The following NOL4 variants were observed in gnomAD, a reference collection of about 807,000 sequenced individuals.
NOL4 encodes cancer/testis antigen 125.
In NOL4, 17 loss-of-function variants were observed where a neutral mutation model predicts 75.9. The ratio of observed to expected loss-of-function variants is 0.22; its 90% CI spans 0.15 to 0.34. The LOEUF is 0.34. Among genes scored for constraint, NOL4 ranks in the 10% least tolerant of loss-of-function variants. The pLI is 1.00. For missense variants in NOL4, 614 were observed against 793.5 expected, an observed-to-expected ratio of 0.77 and a Z score of 2.72; for synonymous variants, 292 against 289.9, an observed-to-expected ratio of 1.01 and a Z score of -0.07.
chr18:34,016,676 T>A (rs1477229274), intron 6 of NOL4, among the ~76,000 whole-genome samples: 1 of 152,082 alleles, frequency 6.6e-6, no homozygotes, highest in African/African-American at 2.4e-5. Flanking sequence ...TCCTGAAGAA[T>A]CATTACAGTC....
intron 6 of NOL4, among the ~76,000 whole-genome samples, chr18:33,967,468 T>C (rs1046624625): frequency 2.0e-5 from 3 of 152,084 alleles, no homozygotes; most frequent in South Asian, 2.1e-4. Context: ...AATTGACAAG[T>C]GGGACCCAAA....
At chr18:34,138,370 T>C (rs1311824067) in intron 1 of NOL4, among the ~76,000 whole-genome samples, 1 of 152,054 alleles carries the variant, frequency 6.6e-6, no homozygotes, top group Non-Finnish European at 1.5e-5. Flanking sequence ...TCCCTGCATT[T>C]CAGCCTTAGC....
rs868350853 is a variant in NOL4 at position 33,891,557 on chromosome 18, T to C, written c.1543-8133A>G. On this transcript the variant is annotated intron_variant, in intron 9 of 10. Coordinates refer to ENST00000261592, the MANE Select transcript of NOL4 (RefSeq NM_003787.5). ...CCAACATTCCTGTAGCAGAAATAAC[T>C]TGGGCAACATAAAACTTGAGTTTCT... Among the ~76,000 whole-genome samples the C allele has an allele frequency of 1.1e-4, 16 of 152,252 alleles. 1 individual carries two copies. In the Middle Eastern group the frequency reaches 0.01, roughly 97 times the overall value.
At chr18:34,073,557 A>T (rs1482773671) in intron 5 of NOL4, among the ~76,000 whole-genome samples, 1 of 152,054 alleles carries the variant, frequency 6.6e-6, no homozygotes, top group Non-Finnish European at 1.5e-5. Context: ...ATAATGACAC[A>T]GAAAATGAGT....
chr18:34,224,128 CA>C lies in NOL4; in HGVS notation c.-876del, dbSNP rs1314857600. 6.6e-6 allele frequency: 1 copy of C among 152,262 alleles called. No homozygotes were observed. Among genetic ancestry groups the C allele is most frequent in the Non-Finnish European group, 1.5e-5 (1 of 68,090 alleles). 9.4% of individuals were successfully genotyped at this position (152,262 alleles called of 1,614,324 possible). A position where few individuals can be genotyped will look rare whatever the true frequency, so the allele number is the denominator to read the frequency against. On this transcript the variant is annotated 5_prime_UTR_variant, in exon 1 of 11. An upstream open reading frame in the 5' UTR loses its in-frame stop. Coordinates refer to ENST00000261592, the MANE Select transcript of NOL4 (RefSeq NM_003787.5). ...TAGTGCCCCAAACAGATATCCGTTC[CA>C]GGGGGATGTGGGTAACCGAAGGCAG...
At chr18:34,157,060 C>CTT (rs1288070206) in intron 1 of NOL4, 3 of 152,160 alleles carry the variant, frequency 2.0e-5, no homozygotes, top group African/African-American at 7.2e-5. Flanking sequence ...CAGCAACTTA[C>CTT]ATGTTTGGCT....
intron 1 of NOL4, among the ~76,000 whole-genome samples, chr18:34,169,306 G>A (rs964402271): frequency 1.3e-5 from 2 of 151,756 alleles, no homozygotes; most frequent in Non-Finnish European, 2.9e-5. Flanking sequence ...AGTATTCTAA[G>A]CTCCTTACAT....
chr18:34,123,242 A>G lies in NOL4; in HGVS notation c.414+6629T>C, dbSNP rs149217375. ...ATATGAGATATATAATTCAATTTTAATGAATGGCAGTAAGCTATTCTTTTG... is the reference window on the plus strand; with the variant it reads ...ATATGAGATATATAATTCAATTTTAGTGAATGGCAGTAAGCTATTCTTTTG... On this transcript the variant is annotated intron_variant, in intron 2 of 10. Coordinates refer to ENST00000261592, the MANE Select transcript of NOL4 (RefSeq NM_003787.5). Among the ~76,000 whole-genome samples the G allele has an allele frequency of 1.8e-3, 275 of 151,878 alleles. 1 individual carries two copies. Among genetic ancestry groups the G allele is most frequent in the African/African-American group, 6.3e-3 (262 of 41,508 alleles).
At chr18:33,901,544 A>G (rs2065748578) in intron 9 of NOL4, among the ~76,000 whole-genome samples, 1 of 152,098 alleles carries the variant, frequency 6.6e-6, no homozygotes, top group South Asian at 2.1e-4. Flanking sequence ...TTCAATTGAT[A>G]AATAGGTGCT....
intron 1 of NOL4, among the ~76,000 whole-genome samples, chr18:34,148,920 G>A (rs544789504): frequency 6.6e-6 from 1 of 151,898 alleles, no homozygotes; most frequent in East Asian, 1.9e-4. Context: ...ATATATTTAG[G>A]ATAGTTAGCT....
At chr18:33,946,058 C>T (rs1253847367) in intron 8 of NOL4, among the ~76,000 whole-genome samples, 1 of 151,470 alleles carries the variant, frequency 6.6e-6, no homozygotes, top group Non-Finnish European at 1.5e-5. Context: ...ATATACAAAC[C>T]ATTGTTTTCA....
intron 9 of NOL4, among the ~76,000 whole-genome samples, chr18:33,895,973 A>T (rs2065376939): frequency 6.6e-6 from 1 of 152,270 alleles, no homozygotes; most frequent in South Asian, 2.1e-4. Flanking sequence ...TACAGAATCA[A>T]TGTACAAAAC....
intron 10 of NOL4, among the ~76,000 whole-genome samples, chr18:33,879,031 G>A (rs1230183772): frequency 1.3e-5 from 2 of 152,020 alleles, no homozygotes; most frequent in South Asian, 2.1e-4. Flanking sequence ...TCACTTGGAC[G>A]AGTTCCTCTC....
chr18:33,938,223 T>A (rs1401714605), intron 9 of NOL4, among the ~76,000 whole-genome samples: 2 of 152,046 alleles, frequency 1.3e-5, no homozygotes, highest in African/African-American at 4.8e-5. Flanking sequence ...AATAATAATA[T>A]CCTTTCTCAT....
At position 34,223,003 on chromosome 18, in the gene NOL4, G is replaced by A. The variant is rs752333699; in HGVS notation, c.251C>T (p.Pro84Leu). 6.2e-7 allele frequency: 1 copy of A among 1,608,998 alleles called. No individual in the cohort carries two copies. Among genetic ancestry groups the A allele is most frequent in the Admixed American group, 1.7e-5 (1 of 60,004 alleles). Residue 84 changes from proline to leucine, a missense_variant, in exon 1 of 11, where the codon CCT becomes CTT. Physicochemically the swap from Pro to Leu is moderately conservative, Grantham distance 98. Coordinates refer to ENST00000261592, the MANE Select transcript of NOL4 (RefSeq NM_003787.5). Reference protein sequence around the residue: ...GGGAKQVLYVPVKTTDGVGVD... With the variant: ...GGGAKQVLYVLVKTTDGVGVD... ...CGAGTCACTCACCGTGGTCTTGACAGGCACGTAGAGCACTTGCTTGGCGCC... is the reference window on the plus strand; with the variant it reads ...CGAGTCACTCACCGTGGTCTTGACAAGCACGTAGAGCACTTGCTTGGCGCC...
intron 5 of NOL4, among the ~76,000 whole-genome samples, chr18:34,032,623 C>T (rs965731653): frequency 6.6e-6 from 1 of 152,160 alleles, no homozygotes; most frequent in Non-Finnish European, 1.5e-5. Context: ...AAGCACTCAC[C>T]ACGTGGGATC....
chr18:34,114,435 A>G lies in NOL4; in HGVS notation c.415-9275T>C, dbSNP rs142977395. Among the ~76,000 whole-genome samples, 1,310 of 152,326 alleles carry G rather than the reference A, an allele frequency of 8.6e-3. 4 individuals carry two copies. Among genetic ancestry groups the G allele is most frequent in the Middle Eastern group, 0.034 (10 of 294 alleles). ...ACAACTTCCATGTGACAAACCACAT[A>G]TTAAATATATTGCTCACAACAGAAA... is the stretch of plus-strand genomic sequence containing the variant. On this transcript the variant is annotated intron_variant, in intron 2 of 10. Transcript: ENST00000261592.
chr18:34,008,039 T>C (rs961397489), intron 6 of NOL4, among the ~76,000 whole-genome samples: 3 of 152,000 alleles, frequency 2.0e-5, no homozygotes, highest in African/African-American at 7.2e-5. Flanking sequence ...CAAAGAAGAA[T>C]ATCACCTTCA....
At chr18:34,009,466 G>T (rs1333614578) in intron 6 of NOL4, among the ~76,000 whole-genome samples, 1 of 152,076 alleles carries the variant, frequency 6.6e-6, no homozygotes, top group Non-Finnish European at 1.5e-5. Flanking sequence ...ATTTTTGCAA[G>T]ATTCAGCTAA....
Sources: allele counts gnomAD v4.1 joint callset (sites outside exome capture counted in the v4.1 genomes callset), GRCh38; gene constraint gnomAD v4.1.1; transcripts MANE v1.5; gene names NCBI Gene and HGNC (gene_info 2026-07-23, HGNC 2026-07-21).